SPTBN1: variants seen among roughly 807,000 people sequenced by gnomAD.
SPTBN1 encodes spectrin beta chain, non-erythrocytic 1.
In SPTBN1, 32 loss-of-function variants were observed where a neutral mutation model predicts 266.4. The observed-to-expected ratio is 0.12, with a 90% confidence interval of 0.09 to 0.16. The LOEUF is 0.16. SPTBN1 is among the 10% of genes least tolerant of loss of function. The pLI is 1.00. For missense variants in SPTBN1, 2,296 were observed against 3,067.1 expected (o/e 0.75, Z 5.94); for synonymous variants, 1,336 against 1,162.2 (o/e 1.15, Z -3.04).
intron 2 of SPTBN1, among the ~76,000 whole-genome samples, chr2:54,531,867 G>A (rs1320917896): frequency 6.6e-6 from 1 of 152,098 alleles, no homozygotes; most frequent in Non-Finnish European, 1.5e-5. Flanking sequence ...TGGCAGGATT[G>A]AAAGCAACAG....
intron 3 of SPTBN1, among the ~76,000 whole-genome samples, chr2:54,602,335 G>A (rs762310092): frequency 1.8e-4 from 27 of 152,288 alleles, no homozygotes; most frequent in Non-Finnish European, 3.2e-4. Flanking sequence ...AATGAGGCTT[G>A]AGGGGTGATG....
intron 2 of SPTBN1, among the ~76,000 whole-genome samples, chr2:54,539,234 T>G (rs1022611396): frequency 6.6e-6 from 1 of 152,198 alleles, no homozygotes; most frequent in Non-Finnish European, 1.5e-5. Flanking sequence ...TGCTTTTTAT[T>G]GAGTGCTTGT....
rs571241662 is a variant in SPTBN1, at chr2:54,645,753, T to A, written c.4495-175T>A. On this transcript the variant is annotated intron_variant, in intron 21 of 35. Transcript: ENST00000356805. This position sits in a 1 kb window ranked among gnomAD's most constrained non-coding sequence, Gnocchi z 4.3. The stretch of plus-strand genomic sequence containing the variant: ...GAGGATGAGGTAGAGTTGGAAAGAC[T>A]CTCCCTAGCCCTGTCTCGGAGAACA... 6.6e-6 allele frequency among the ~76,000 whole-genome samples: 1 copy of A among 152,104 alleles called. No homozygotes were observed. The highest frequency in any genetic ancestry group is 1.5e-5 in the Non-Finnish European group (1 of 68,022).
At chr2:54,463,182 A>T (rs536408243) in intron 1 of SPTBN1, among the ~76,000 whole-genome samples, 93 of 141,792 alleles carry the variant, frequency 6.6e-4, no homozygotes, top group African/African-American at 2.6e-3. Context: ...GCCCAATCCT[A>T]TGCGAAGCTA....
Position 54,619,235 on chromosome 2 carries a change from G to A in SPTBN1, c.763+1042G>A, listed in dbSNP as rs148374379. Among the ~76,000 whole-genome samples, 194 of 152,332 alleles carry A rather than the reference G, an allele frequency of 1.3e-3. 3 individuals are homozygous for A. The South Asian group carries it at 0.035, about 28-fold the overall frequency. ...TCCAATGCATCAGATTCACTGATAT[G>A]TTGGCTACAGGAAGCTGAGATAAAA... On this transcript the variant is annotated intron_variant, in intron 7 of 35. Coordinates refer to ENST00000356805, the MANE Select transcript of SPTBN1 (RefSeq NM_003128.3).
chr2:54,537,497 A>G (rs978589383), intron 2 of SPTBN1, among the ~76,000 whole-genome samples: 1 of 152,216 alleles, frequency 6.6e-6, no homozygotes, highest in African/African-American at 2.4e-5. Context: ...CATAGCTCAG[A>G]GGCATCTGAC....
intron 1 of SPTBN1, among the ~76,000 whole-genome samples, chr2:54,513,580 T>C (rs4671945): frequency 0.78 from 118,835 of 152,158 alleles, 46,688 homozygotes; most frequent in African/African-American, 0.87. Flanking sequence ...TCTAATGTAA[T>C]TTAAAACTAT....
chr2:54,613,342 C>T (rs1234384577), intron 4 of SPTBN1, among the ~76,000 whole-genome samples: 2 of 152,184 alleles, frequency 1.3e-5, no homozygotes, highest in Non-Finnish European at 2.9e-5. Flanking sequence ...AAAAACCTCA[C>T]ACAAAAAGGA....
At position 54,667,654 on chromosome 2, in the gene SPTBN1, T is replaced by C; in HGVS notation, c.6876+8T>C. The C allele has an allele frequency of 6.2e-7, 1 of 1,613,410 alleles. No homozygotes were observed. The highest frequency in any genetic ancestry group is 1.1e-5 in the South Asian group (1 of 91,064). On this transcript the variant is annotated splice_region_variant and intron_variant, in intron 35 of 35. Transcript: ENST00000356805. ...TTCCAAGCCAAAGACGATGTAAGTT[T>C]CTAAATGTTATTTCTCTCCACTACT...
At chr2:54,502,466 A>T (rs1669326711) in intron 1 of SPTBN1, among the ~76,000 whole-genome samples, 1 of 152,222 alleles carries the variant, frequency 6.6e-6, no homozygotes, top group Non-Finnish European at 1.5e-5. Flanking sequence ...TTCCGGCAAC[A>T]GAGGAAGATA....
chr2:54,664,173 G>A lies in SPTBN1; in HGVS notation c.6421-280G>A, dbSNP rs1255990052. The A allele has an allele frequency of 6.2e-6, 2 of 323,008 alleles. No individual in the cohort carries two copies. Among genetic ancestry groups the A allele is most frequent in the Non-Finnish European group, 1.1e-5 (2 of 177,358 alleles). 20.0% of individuals were successfully genotyped at this position (323,008 alleles called of 1,614,324 possible). Reference sequence around the variant, plus strand: ...TTTTAAAGTAACCATAAGAGGAGATGATCTGAGTTATATTTATTGATCAGA... The same window carrying A: ...TTTTAAAGTAACCATAAGAGGAGATAATCTGAGTTATATTTATTGATCAGA... On this transcript the variant is annotated intron_variant, in intron 32 of 35. Coordinates refer to ENST00000356805, the MANE Select transcript of SPTBN1 (RefSeq NM_003128.3). The surrounding 1 kb of genome is among the most constrained non-coding windows in gnomAD (Gnocchi z 5.6).
In SPTBN1 at chr2:54,631,332, C is replaced by A. The variant is rs370058673; in HGVS notation, c.3285C>A (p.Thr1095=). Residue 1095 remains threonine (T), a synonymous_variant, in exon 16 of 36, where the codon ACC becomes ACA. Transcript: ENST00000356805. ...IASEDMPNTL[T]EAEKLLTQHE... ...CGGAGGACATGCCAAACACCCTGAC[C>A]GAGGCTGAGAAGCTGCTCACGCAGC... The A allele has an allele frequency of 6.2e-7, 1 of 1,614,230 alleles. No individual in the cohort carries two copies. The highest frequency in any genetic ancestry group is 2.2e-5 in the East Asian group (1 of 44,884).
chr2:54,645,447 C>T lies in SPTBN1; in HGVS notation c.4488C>T (p.Asp1496=), dbSNP rs148431784. Residue 1496 remains aspartate, a synonymous_variant, in exon 21 of 36, where the codon GAC becomes GAT. Coordinates refer to ENST00000356805, the MANE Select transcript of SPTBN1 (RefSeq NM_003128.3). This position sits in a 1 kb window ranked among gnomAD's most constrained non-coding sequence, Gnocchi z 4.3. ...EIHQFNRDVE[D]EILWVGERMP... ...ATCAGTTCAACAGGGATGTGGAGGACGAGATCGTGAGTCGACCCCTACTGC... is the reference window on the plus strand; with the variant it reads ...ATCAGTTCAACAGGGATGTGGAGGATGAGATCGTGAGTCGACCCCTACTGC... 18 of 1,613,860 alleles carry T rather than the reference C, an allele frequency of 1.1e-5. No individual in the cohort carries two copies. Among genetic ancestry groups the T allele is most frequent in the Non-Finnish European group, 1.4e-5 (16 of 1,179,974 alleles).
chr2:54,515,752 C>G (rs1670078576), intron 1 of SPTBN1: 1 of 152,308 alleles, frequency 6.6e-6, no homozygotes, highest in African/African-American at 2.4e-5. Context: ...GTCTCGAACT[C>G]ATGGCCTCAA....
intron 1 of SPTBN1, among the ~76,000 whole-genome samples, chr2:54,508,836 G>A (rs1341958693): frequency 1.3e-5 from 2 of 152,138 alleles, no homozygotes; most frequent in Admixed American, 6.5e-5. Flanking sequence ...GAATGACTCC[G>A]GCTTTCTTTG....
Position 54,487,832 on chromosome 2 carries a change from CTT to C in SPTBN1, c.-48+31328_-48+31329del, listed in dbSNP as rs70944169. 1.0e-4 allele frequency among the ~76,000 whole-genome samples: 7 copies of C among 68,644 alleles called. 1 individual carries two copies. Among genetic ancestry groups the C allele is most frequent in the African/African-American group, 3.9e-4 (7 of 18,160 alleles). 45.0% of individuals were successfully genotyped at this position (68,644 alleles called of 152,430 possible). A position where few individuals can be genotyped will look rare whatever the true frequency, so the allele number is the denominator to read the frequency against. On this transcript the variant is annotated intron_variant, in intron 1 of 35. Transcript: ENST00000356805. ...TTCACTTGATGGTCTCCTCCTGTGT[CTT>C]TTTTTTTTTTTTTGAGACGGAGTCT...
intron 1 of SPTBN1, among the ~76,000 whole-genome samples, chr2:54,508,234 T>G (rs1164392668): frequency 6.6e-6 from 1 of 152,178 alleles, no homozygotes; most frequent in Non-Finnish European, 1.5e-5. Flanking sequence ...CAGAAGGGAA[T>G]AAATGACCAC....
chr2:54,488,666 T>G (rs1014963760), intron 1 of SPTBN1, among the ~76,000 whole-genome samples: 3 of 152,036 alleles, frequency 2.0e-5, no homozygotes, highest in African/African-American at 7.2e-5. Context: ...TAGTTTCCCC[T>G]CCTCCCTTCA....
intron 2 of SPTBN1, among the ~76,000 whole-genome samples, chr2:54,564,482 A>G (rs558969011): frequency 8.1e-4 from 123 of 152,274 alleles, no homozygotes; most frequent in African/African-American, 2.9e-3. Context: ...TCCCCACAGC[A>G]GGGCCCTGAG....
Sources: gnomAD v4.1 joint callset for allele counts (sites outside exome capture counted in the v4.1 genomes callset) on GRCh38, gnomAD v4.1.1 for gene constraint, Gnocchi (gnomAD v3.1) non-coding constraint, MANE v1.5 for transcripts, NCBI Gene and HGNC (gene_info 2026-07-23, HGNC 2026-07-21) for gene names.